GSE1: variants seen among roughly 807,000 people sequenced by gnomAD.
The protein encoded by GSE1 is genetic suppressor element 1.
A neutral mutation model predicts 112.6 loss-of-function variants in GSE1; 32 were observed. The ratio of observed to expected loss-of-function variants is 0.28; its 90% CI spans 0.21 to 0.38. The LOEUF (loss-of-function observed/expected upper bound fraction) is 0.38, where lower values mean the gene tolerates loss of function less well. Ranked by LOEUF, GSE1 falls within the 10% of genes least tolerant of loss-of-function variation. The pLI, the probability that GSE1 is intolerant of heterozygous loss-of-function variation, is 1.00. For missense variants in GSE1, 2,348 were observed against 1,699.2 expected, an observed-to-expected ratio of 1.38 and a Z score of -6.71; for synonymous variants, 1,115 against 735.6, an observed-to-expected ratio of 1.52 and a Z score of -8.35.
At chr16:85,547,364 C>A (rs2044736618) in intron 2 of GSE1, among the ~76,000 whole-genome samples, 2 of 152,180 alleles carry the variant, frequency 1.3e-5, no homozygotes, top group South Asian at 4.2e-4. Flanking sequence ...TCTGGAGGCT[C>A]CTTCCTGCCT....
At chr16:85,462,611 C>T (rs2049998727) in intron 2 of GSE1, among the ~76,000 whole-genome samples, 2 of 148,864 alleles carry the variant, frequency 1.3e-5, no homozygotes, top group South Asian at 2.1e-4. Context: ...CAGGACAACT[C>T]AGCAGTCTTG....
At chr16:85,645,919 T>TGCATTCTGCCTGCTTCTACCAC (rs1377375846) in intron 2 of GSE1, among the ~76,000 whole-genome samples, 5 of 148,746 alleles carry the variant, frequency 3.4e-5, no homozygotes, top group Admixed American at 6.7e-5. Flanking sequence ...TTTCTATGCA[T>TGCATTCTGCCTGCTTCTACCAC]GCATTCTGCC....
intron 2 of GSE1, among the ~76,000 whole-genome samples, chr16:85,407,867 C>A (rs1413709334): frequency 3.2e-5 from 1 of 31,254 alleles, no homozygotes; most frequent in Non-Finnish European, 6.1e-5. Context: ...ACACTCAGGC[C>A]CCCCGGATAA....
intron 2 of GSE1, among the ~76,000 whole-genome samples, chr16:85,427,203 G>A (rs1004055636): frequency 6.6e-6 from 1 of 152,174 alleles, no homozygotes; most frequent in African/African-American, 2.4e-5. Flanking sequence ...GTATCTCCCA[G>A]ACCCTCCAGG....
chr16:85,350,367 G>A (rs2046828506), intron 1 of GSE1, among the ~76,000 whole-genome samples: 1 of 152,076 alleles, frequency 6.6e-6, no homozygotes, highest in Non-Finnish European at 1.5e-5. Flanking sequence ...GATTCAGGCT[G>A]GTCAGGAAAA....
chr16:85,589,409 G>T (rs1249565035), intron 1 of GSE1, among the ~76,000 whole-genome samples: 3 of 152,172 alleles, frequency 2.0e-5, no homozygotes, highest in Non-Finnish European at 4.4e-5. Context: ...CCTGGGCTGG[G>T]TGGGAGCTTT....
chr16:85,624,570 C>T (rs753830571), intron 1 of GSE1, among the ~76,000 whole-genome samples: 1 of 152,248 alleles, frequency 6.6e-6, no homozygotes, highest in Non-Finnish European at 1.5e-5. Context: ...CAGCCATTTC[C>T]AATCTCTTCG....
At chr16:85,663,687 C>T in intron 11 of GSE1, 73 bp downstream of exon 11, 1 of 1,432,374 alleles carries the variant, frequency 7.0e-7, no homozygotes, top group Non-Finnish European at 9.6e-7. Flanking sequence ...GCAGGTGGGG[C>T]CGGTGGACTC....
chr16:85,378,552 C>G (rs2047474015), intron 2 of GSE1, among the ~76,000 whole-genome samples: 1 of 151,814 alleles, frequency 6.6e-6, no homozygotes, highest in South Asian at 2.1e-4. Flanking sequence ...TGACAGCGTA[C>G]ACATGCAGCG....
At chr16:85,576,003 G>C (rs916046437) in intron 1 of GSE1, among the ~76,000 whole-genome samples, 1 of 151,960 alleles carries the variant, frequency 6.6e-6, no homozygotes. Context: ...AGCAGTGACG[G>C]GGGAGTATTA....
At chr16:85,256,792 G>A (rs181112071) in intron 1 of GSE1, among the ~76,000 whole-genome samples, 31 of 152,314 alleles carry the variant, frequency 2.0e-4, no homozygotes, top group African/African-American at 6.5e-4. Flanking sequence ...AATGATAAAC[G>A]TTTTACTCTC....
At chr16:85,404,317 T>C (rs1361068745) in intron 2 of GSE1, among the ~76,000 whole-genome samples, 50 of 41,040 alleles carry the variant, frequency 1.2e-3, no homozygotes, top group Admixed American at 1.5e-3. Flanking sequence ...TAATCCTCAC[T>C]CTTACACTCA....
intron 1 of GSE1, among the ~76,000 whole-genome samples, chr16:85,616,168 TC>T (rs1323519552): frequency 1.3e-5 from 2 of 152,076 alleles, no homozygotes; most frequent in Admixed American, 6.5e-5. Context: ...AGCTAGAGAT[TC>T]CCCCCTTCCA....
chr16:85,255,228 C>T (rs567628023), intron 1 of GSE1, among the ~76,000 whole-genome samples: 8 of 152,276 alleles, frequency 5.3e-5, no homozygotes, highest in South Asian at 2.1e-4. Flanking sequence ...GCTTCTCCCC[C>T]GACTCCTGCT....
At chr16:85,188,285 C>G (rs1241776296) in intron 1 of GSE1, among the ~76,000 whole-genome samples, 1 of 150,876 alleles carries the variant, frequency 6.6e-6, no homozygotes, top group Non-Finnish European at 1.5e-5. Flanking sequence ...TCTGCGGGCC[C>G]TGTTCCCTCA....
intron 1 of GSE1, among the ~76,000 whole-genome samples, chr16:85,301,523 GC>G (rs2045525942): frequency 6.6e-6 from 1 of 152,262 alleles, no homozygotes; most frequent in African/African-American, 2.4e-5. Flanking sequence ...ATGGCAAGCT[GC>G]CCTGCATGGG....
At chr16:85,525,022 C>T (rs917383636) in intron 2 of GSE1, among the ~76,000 whole-genome samples, 6 of 152,188 alleles carry the variant, frequency 3.9e-5, no homozygotes, top group Non-Finnish European at 8.8e-5. Context: ...GTGATCCGGC[C>T]GTCTCACTGG....
intron 2 of GSE1, among the ~76,000 whole-genome samples, chr16:85,485,984 T>C (rs2050825029): frequency 6.6e-6 from 1 of 152,212 alleles, no homozygotes; most frequent in Non-Finnish European, 1.5e-5. Context: ...AGGGGCCCTG[T>C]TCTGGCCCAG....
At chr16:85,559,790 C>T (rs528470023) in intron 1 of GSE1, among the ~76,000 whole-genome samples, 10 of 152,316 alleles carry the variant, frequency 6.6e-5, no homozygotes, top group African/African-American at 2.4e-4. Context: ...AATCCATGGC[C>T]CGGCCCATTG....
Sources: gnomAD v4.1 joint callset for allele counts (sites outside exome capture counted in the v4.1 genomes callset) on GRCh38, gnomAD v4.1.1 for gene constraint, MANE v1.5 for transcripts, NCBI Gene and HGNC (gene_info 2026-07-23, HGNC 2026-07-21) for gene names.